The following GALNTL6 variants were observed in gnomAD, a reference collection of about 807,000 sequenced individuals.
The protein encoded by GALNTL6 is polypeptide N-acetylgalactosaminyltransferase like 6.
GALNTL6 carries 46 observed loss-of-function variants against 73.7 expected under a neutral mutation model. The observed-to-expected ratio is 0.62, with a 90% CI of 0.49 to 0.80. GALNTL6 has a LOEUF of 0.80. GALNTL6 is among the 30% of genes least tolerant of loss of function. The pLI is 0.00. For missense variants in GALNTL6, 604 were observed against 755.0 expected (o/e 0.80, Z 2.34); for synonymous variants, 259 against 263.7 (o/e 0.98, Z 0.17).
rs1293747155 is a variant in GALNTL6, at chr4:172,272,957, A to G, written c.248-38657A>G. On this transcript the variant is annotated intron_variant, in intron 3 of 12. Coordinates refer to ENST00000506823, the MANE Select transcript of GALNTL6 (RefSeq NM_001034845.3). ...ATTTGTCAATACAAATAAGTTGGAG[A>G]AGAAGTATTTGCTGCATATTCTTAT... Among the ~76,000 whole-genome samples, 3 of 150,158 alleles carry G rather than the reference A, an allele frequency of 2.0e-5. No homozygotes were observed. In the East Asian group the frequency reaches 6.0e-4, roughly 30 times the overall value.
At chr4:171,972,081 T>C (rs553892605) in intron 2 of GALNTL6, among the ~76,000 whole-genome samples, 1 of 152,320 alleles carries the variant, frequency 6.6e-6, no homozygotes, top group African/African-American at 2.4e-5. Flanking sequence ...TGAGCATTAT[T>C]TCAGCCTCTG....
intron 5 of GALNTL6, among the ~76,000 whole-genome samples, chr4:172,443,807 A>G (rs1437911684): frequency 6.6e-6 from 1 of 152,184 alleles, no homozygotes; most frequent in Non-Finnish European, 1.5e-5. Context: ...ACCTATATAT[A>G]TGGGATCTTT....
intron 7 of GALNTL6, among the ~76,000 whole-genome samples, chr4:172,851,217 A>G (rs1210876783): frequency 1.3e-5 from 2 of 152,062 alleles, no homozygotes; most frequent in Admixed American, 1.3e-4. Flanking sequence ...GCTCTGTGTC[A>G]GATGCTCCTG....
At chr4:172,337,301 A>G (rs1172860204) in intron 4 of GALNTL6, among the ~76,000 whole-genome samples, 2 of 152,072 alleles carry the variant, frequency 1.3e-5, no homozygotes, top group Non-Finnish European at 2.9e-5. Flanking sequence ...TAATGATGAT[A>G]TGTGAGGTTT....
intron 2 of GALNTL6, among the ~76,000 whole-genome samples, chr4:171,942,306 G>C (rs978026452): frequency 6.7e-6 from 1 of 148,190 alleles, no homozygotes. Context: ...AAAATGAGGG[G>C]AGGAGGTATG....
intron 5 of GALNTL6, among the ~76,000 whole-genome samples, chr4:172,726,242 A>G (rs900147170): frequency 6.6e-6 from 1 of 152,196 alleles, no homozygotes; most frequent in East Asian, 1.9e-4. Flanking sequence ...GTGAGTAAAC[A>G]CCACTAGAAG....
intron 5 of GALNTL6, among the ~76,000 whole-genome samples, chr4:172,440,312 T>C (rs974057517): frequency 6.6e-6 from 1 of 151,922 alleles, no homozygotes; most frequent in Admixed American, 6.6e-5. Flanking sequence ...TAAAAAGATA[T>C]GAAATACTGA....
At chr4:172,953,476 T>C (rs1348301406) in intron 10 of GALNTL6, among the ~76,000 whole-genome samples, 1 of 152,236 alleles carries the variant, frequency 6.6e-6, no homozygotes, top group Non-Finnish European at 1.5e-5. Context: ...CTTGGTTTTC[T>C]AGTCTCTGAA....
intron 5 of GALNTL6, among the ~76,000 whole-genome samples, chr4:172,589,549 A>G (rs1560824014): frequency 6.6e-6 from 1 of 152,242 alleles, no homozygotes; most frequent in Non-Finnish European, 1.5e-5. Context: ...CTAGCCACCA[A>G]TTGATCTAAT....
intron 5 of GALNTL6, among the ~76,000 whole-genome samples, chr4:172,803,402 T>C (rs1740772205): frequency 1.3e-5 from 2 of 152,232 alleles, no homozygotes; most frequent in Non-Finnish European, 2.9e-5. Flanking sequence ...GAGAATCTAA[T>C]GCCTGGTGAT....
At chr4:172,375,485 C>A (rs948659457) in intron 5 of GALNTL6, among the ~76,000 whole-genome samples, 8 of 152,118 alleles carry the variant, frequency 5.3e-5, no homozygotes, top group Non-Finnish European at 1.2e-4. Flanking sequence ...AAAATGCCCC[C>A]AGTTTTGGTT....
chr4:171,998,909 C>T lies in GALNTL6; in HGVS notation c.138+184191C>T, dbSNP rs193133835. Among the ~76,000 whole-genome samples, 253 of 152,290 alleles carry T rather than the reference C, an allele frequency of 1.7e-3. 2 individuals are homozygous for T. Among genetic ancestry groups the T allele is most frequent in the African/African-American group, 5.8e-3 (240 of 41,586 alleles). Reference sequence around the variant, plus strand: ...TTAGTGATTCTGTCAGGTCCACCCTCTGCTATGTCCAGCCTTTGTCCTAGG... The same window carrying T: ...TTAGTGATTCTGTCAGGTCCACCCTTTGCTATGTCCAGCCTTTGTCCTAGG... On this transcript the variant is annotated intron_variant, in intron 2 of 12. Coordinates refer to ENST00000506823, the MANE Select transcript of GALNTL6 (RefSeq NM_001034845.3).
intron 2 of GALNTL6, among the ~76,000 whole-genome samples, chr4:172,082,048 C>T (rs1847699): frequency 0.88 from 133,427 of 151,788 alleles, 58,997 homozygotes; most frequent in Non-Finnish European, 0.93. Flanking sequence ...CGCTAATTTT[C>T]GTATTTTTAG....
intron 2 of GALNTL6, among the ~76,000 whole-genome samples, chr4:172,013,368 A>G (rs148808354): frequency 0.012 from 1,754 of 152,098 alleles, 28 homozygotes; most frequent in African/African-American, 0.038. Context: ...CTTTTATGAG[A>G]TCAACTTTTT....
intron 4 of GALNTL6, among the ~76,000 whole-genome samples, chr4:172,346,307 AAATTG>A (rs1176094014): frequency 6.6e-6 from 1 of 152,228 alleles, no homozygotes; most frequent in Non-Finnish European, 1.5e-5. Flanking sequence ...TACATGGTCA[AAATTG>A]AATTCATTAT....
chr4:172,616,818 T>C (rs987849913), intron 5 of GALNTL6, among the ~76,000 whole-genome samples: 1 of 152,110 alleles, frequency 6.6e-6, no homozygotes, highest in African/African-American at 2.4e-5. Context: ...GGGCTGAATC[T>C]TCATGAGTTT....
intron 10 of GALNTL6, among the ~76,000 whole-genome samples, chr4:172,982,776 GA>G (rs1363554626): frequency 3.3e-5 from 5 of 151,948 alleles, no homozygotes; most frequent in Non-Finnish European, 5.9e-5. Context: ...AAGATAATAC[GA>G]AAAAAATTTT....
intron 5 of GALNTL6, among the ~76,000 whole-genome samples, chr4:172,405,306 A>G (rs1390116310): frequency 6.8e-6 from 1 of 148,130 alleles, no homozygotes; most frequent in Non-Finnish European, 1.5e-5. Context: ...TTCAACATAT[A>G]TACTTAATAC....
chr4:172,558,584 G>A (rs1360236565), intron 5 of GALNTL6, among the ~76,000 whole-genome samples: 1 of 152,124 alleles, frequency 6.6e-6, no homozygotes, highest in East Asian at 1.9e-4. Context: ...AACACTGTGG[G>A]CAACTTGATC....
Sources: allele counts gnomAD v4.1 joint callset (sites outside exome capture counted in the v4.1 genomes callset), GRCh38; gene constraint gnomAD v4.1.1; transcripts MANE v1.5; gene names NCBI Gene and HGNC (gene_info 2026-07-23, HGNC 2026-07-21).